CACNB2: variants seen among roughly 807,000 people sequenced by gnomAD.
CACNB2 encodes the protein voltage-dependent L-type calcium channel subunit beta-2.
Under a neutral mutation model 73.3 loss-of-function variants are expected in CACNB2, and 42 were observed. The observed-to-expected ratio is 0.57, with a 90% CI of 0.45 to 0.74. The LOEUF (loss-of-function observed/expected upper bound fraction) is 0.74. CACNB2 is among the 30% of genes least tolerant of loss of function. The pLI, the probability that CACNB2 is intolerant of heterozygous loss-of-function variation, is 0.00. For synonymous variants in CACNB2, 348 were observed against 310.3 expected, an observed-to-expected ratio of 1.12 and a Z score of -1.28; for missense variants, 940 against 853.0, an observed-to-expected ratio of 1.10 and a Z score of -1.27.
chr10:18,367,037 G>A (rs1244951218), intron 2 of CACNB2, among the ~76,000 whole-genome samples: 2 of 152,124 alleles, frequency 1.3e-5, no homozygotes, highest in Non-Finnish European at 2.9e-5. Flanking sequence ...AATTTACTTC[G>A]AGGTGTGTAC....
rs937978058 is a variant in CACNB2 at position 18,402,758 on chromosome 10, T to C, written c.333+715T>C. Reference sequence around the variant, plus strand: ...ATAGTGGCTATTTCTAAAGCATAGATTGTTCGAGTTGAAGGTGGCTTGGTT... The same window carrying C: ...ATAGTGGCTATTTCTAAAGCATAGACTGTTCGAGTTGAAGGTGGCTTGGTT... On this transcript the variant is annotated intron_variant, in intron 3 of 13. Coordinates refer to ENST00000324631, the MANE Select transcript of CACNB2 (RefSeq NM_201596.3). Among the ~76,000 whole-genome samples, 7 of 152,358 alleles carry C rather than the reference T, an allele frequency of 4.6e-5. No homozygotes were observed. In the South Asian group the frequency reaches 1.5e-3, roughly 32 times the overall value.
intron 2 of CACNB2, among the ~76,000 whole-genome samples, chr10:18,211,684 G>A (rs373662532): frequency 1.3e-5 from 2 of 152,110 alleles, no homozygotes; most frequent in Non-Finnish European, 2.9e-5. Flanking sequence ...TATAAATAGC[G>A]GAATACTGTA....
intron 2 of CACNB2, among the ~76,000 whole-genome samples, chr10:18,228,433 C>CAAAAAAAAAAAAAAAAA (rs1164745930): frequency 8.9e-4 from 31 of 34,768 alleles, no homozygotes; most frequent in Non-Finnish European, 1.2e-3. Flanking sequence ...AACTCTACCT[C>CAAAAAAAAAAAAAAAAA]AAAAAAAAAA....
intron 2 of CACNB2, among the ~76,000 whole-genome samples, chr10:18,302,156 A>G (rs1219140166): frequency 1.3e-5 from 2 of 152,190 alleles, no homozygotes; most frequent in Admixed American, 1.3e-4. Context: ...AAAGAAATCA[A>G]AATGAAATCA....
At chr10:18,253,017 C>T (rs960583742) in intron 2 of CACNB2, among the ~76,000 whole-genome samples, 4 of 152,206 alleles carry the variant, frequency 2.6e-5, no homozygotes, top group Admixed American at 6.5e-5. Context: ...GCCATGGGCT[C>T]AGGAGTCAAA....
intron 2 of CACNB2, among the ~76,000 whole-genome samples, chr10:18,280,919 A>G (rs1206000444): frequency 6.6e-6 from 1 of 152,204 alleles, no homozygotes; most frequent in Non-Finnish European, 1.5e-5. Flanking sequence ...TGCTTTGCAC[A>G]TGACTTAATT....
chr10:18,241,546 C>A (rs900323147), intron 2 of CACNB2, among the ~76,000 whole-genome samples: 1 of 151,090 alleles, frequency 6.6e-6, no homozygotes, highest in African/African-American at 2.4e-5. Context: ...AAGAAACCTG[C>A]ATGTTATGTA....
chr10:18,230,963 T>A (rs2036202881), intron 2 of CACNB2, among the ~76,000 whole-genome samples: 1 of 152,094 alleles, frequency 6.6e-6, no homozygotes, highest in African/African-American at 2.4e-5. Flanking sequence ...ATGTGCATAT[T>A]TTGCAGCTTG....
intron 2 of CACNB2, among the ~76,000 whole-genome samples, chr10:18,263,591 C>G (rs879868221): frequency 2.0e-5 from 3 of 152,064 alleles, no homozygotes; most frequent in Admixed American, 6.5e-5. Context: ...GTTCTTATAC[C>G]TTTTCTTTTT....
intron 10 of CACNB2, among the ~76,000 whole-genome samples, chr10:18,531,481 G>T (rs140883314): frequency 5.3e-5 from 8 of 152,076 alleles, no homozygotes; most frequent in Non-Finnish European, 8.8e-5. Flanking sequence ...ATATACATGC[G>T]TGTATCTTTA....
intron 2 of CACNB2, among the ~76,000 whole-genome samples, chr10:18,239,787 T>C (rs1040947184): frequency 6.6e-6 from 1 of 152,246 alleles, no homozygotes; most frequent in Non-Finnish European, 1.5e-5. Context: ...TTAGTTCTTC[T>C]AGATTTTCTT....
intron 2 of CACNB2, among the ~76,000 whole-genome samples, chr10:18,333,353 T>A (rs537846729): frequency 6.6e-6 from 1 of 152,264 alleles, no homozygotes; most frequent in Non-Finnish European, 1.5e-5. Context: ...ACAGTACAAC[T>A]ACTTGCCTTA....
chr10:18,471,448 A>T (rs1232505380), intron 3 of CACNB2, among the ~76,000 whole-genome samples: 1 of 152,206 alleles, frequency 6.6e-6, no homozygotes, highest in Non-Finnish European at 1.5e-5. Context: ...TAAGATATTT[A>T]TTTTTTATAA....
intron 2 of CACNB2, among the ~76,000 whole-genome samples, chr10:18,368,878 A>G (rs1040346963): frequency 5.9e-5 from 9 of 152,206 alleles, no homozygotes; most frequent in African/African-American, 2.2e-4. Context: ...AAACAGTTAC[A>G]GCATGAGTCA....
At chr10:18,365,156 A>G (rs1306731787) in intron 2 of CACNB2, among the ~76,000 whole-genome samples, 1 of 152,024 alleles carries the variant, frequency 6.6e-6, no homozygotes, top group African/African-American at 2.4e-5. Flanking sequence ...AGTTCAACTT[A>G]CTCTTGTCTC....
intron 2 of CACNB2, among the ~76,000 whole-genome samples, chr10:18,324,073 A>G (rs2040491688): frequency 6.6e-6 from 1 of 152,236 alleles, no homozygotes; most frequent in Non-Finnish European, 1.5e-5. Context: ...CTAGGAAGGC[A>G]AATGAATCTT....
At chr10:18,262,446 G>A (rs2037595430) in intron 2 of CACNB2, among the ~76,000 whole-genome samples, 2 of 152,242 alleles carry the variant, frequency 1.3e-5, no homozygotes, top group South Asian at 2.1e-4. Flanking sequence ...CATATTTGGT[G>A]CCATTTGTCT....
At chr10:18,175,879 T>C (rs1404188234) in intron 2 of CACNB2, among the ~76,000 whole-genome samples, 1 of 152,216 alleles carries the variant, frequency 6.6e-6, no homozygotes, top group African/African-American at 2.4e-5. Context: ...ATTACAGGCA[T>C]GAGCCGCTGC....
At chr10:18,197,522 C>A (rs555551667) in intron 2 of CACNB2, among the ~76,000 whole-genome samples, 107 of 152,278 alleles carry the variant, frequency 7.0e-4, no homozygotes, top group African/African-American at 2.3e-3. Flanking sequence ...CTTCAGCCAA[C>A]AGTGTGATGG....
Sources: allele counts gnomAD v4.1 joint callset (sites outside exome capture counted in the v4.1 genomes callset), GRCh38; gene constraint gnomAD v4.1.1; transcripts MANE v1.5; gene names NCBI Gene and HGNC (gene_info 2026-07-23, HGNC 2026-07-21).